Variants in KCNQ3 observed in about 807,000 individuals in gnomAD.
KCNQ3 encodes the protein potassium voltage-gated channel subfamily Q member 3.
KCNQ3 carries 30 observed loss-of-function variants against 92.5 expected under a neutral mutation model. The observed-to-expected ratio is 0.32, with a 90% CI of 0.24 to 0.44. The LOEUF (loss-of-function observed/expected upper bound fraction) is 0.44. Ranked by LOEUF, KCNQ3 falls within the 20% of genes least tolerant of loss-of-function variation. KCNQ3 has a pLI of 1.00. For synonymous variants in KCNQ3, 450 were observed against 468.8 expected, an observed-to-expected ratio of 0.96 and a Z score of 0.52; for missense variants, 913 against 1,140.3, an observed-to-expected ratio of 0.80 and a Z score of 2.87.
At chr8:132,410,468 C>T (rs1820620705) in intron 1 of KCNQ3, among the ~76,000 whole-genome samples, 1 of 152,184 alleles carries the variant, frequency 6.6e-6, no homozygotes, top group Non-Finnish European at 1.5e-5. Flanking sequence ...ACCCGTCCAC[C>T]TGGGAGAGAA....
chr8:132,186,043 C>T (rs971065352), intron 2 of KCNQ3, 48 bp downstream of exon 2: 2 of 1,439,058 alleles, frequency 1.4e-6, no homozygotes, highest in Non-Finnish European at 9.8e-7. Context: ...TCCTTTTCAT[C>T]ACTCTGGAAG....
At chr8:132,322,163 G>C (rs370384257) in intron 1 of KCNQ3, among the ~76,000 whole-genome samples, 10 of 152,096 alleles carry the variant, frequency 6.6e-5, no homozygotes, top group African/African-American at 2.2e-4. Context: ...GCAATTCTTC[G>C]GTGGCATCTT....
intron 1 of KCNQ3, among the ~76,000 whole-genome samples, chr8:132,189,750 C>T (rs908908277): frequency 2.0e-5 from 3 of 151,536 alleles, no homozygotes; most frequent in South Asian, 2.1e-4. Context: ...CACTTGAACC[C>T]GGGAGGCGGA....
At chr8:132,361,532 A>T (rs4736576) in intron 1 of KCNQ3, among the ~76,000 whole-genome samples, 1 of 152,058 alleles carries the variant, frequency 6.6e-6, no homozygotes, top group Admixed American at 6.6e-5. Flanking sequence ...ATCAGGCTGC[A>T]AGATTACTGT....
chr8:132,375,906 T>G (rs1287460115), intron 1 of KCNQ3, among the ~76,000 whole-genome samples: 1 of 152,188 alleles, frequency 6.6e-6, no homozygotes, highest in Non-Finnish European at 1.5e-5. Context: ...TTCGTCATGC[T>G]AGCATTCACC....
At chr8:132,225,344 A>G (rs969727534) in intron 1 of KCNQ3, among the ~76,000 whole-genome samples, 1 of 152,184 alleles carries the variant, frequency 6.6e-6, no homozygotes, top group African/African-American at 2.4e-5. Context: ...ACCTGGAAAG[A>G]TCACTGGAAT....
intron 1 of KCNQ3, among the ~76,000 whole-genome samples, chr8:132,334,886 C>T (rs1393614346): frequency 6.6e-6 from 1 of 152,128 alleles, no homozygotes; most frequent in African/African-American, 2.4e-5. Context: ...TACAACAGCC[C>T]CCACACTTCT....
At chr8:132,275,710 T>G (rs539891946) in intron 1 of KCNQ3, among the ~76,000 whole-genome samples, 1 of 152,236 alleles carries the variant, frequency 6.6e-6, no homozygotes, top group Non-Finnish European at 1.5e-5. Flanking sequence ...CCCAAGTAGC[T>G]GGGACTACAG....
At chr8:132,403,527 G>GTGAA (rs1820403212) in intron 1 of KCNQ3, among the ~76,000 whole-genome samples, 1 of 152,230 alleles carries the variant, frequency 6.6e-6, no homozygotes, top group Admixed American at 6.5e-5. Flanking sequence ...GGCTGCAGGT[G>GTGAA]TGAACCTTGC....
chr8:132,408,235 C>T (rs999616336), intron 1 of KCNQ3, among the ~76,000 whole-genome samples: 3 of 152,204 alleles, frequency 2.0e-5, no homozygotes, highest in Non-Finnish European at 2.9e-5. Context: ...AAAGCTTTGG[C>T]ATATATTCCA....
chr8:132,359,893 C>T (rs545230562), intron 1 of KCNQ3, among the ~76,000 whole-genome samples: 28 of 152,302 alleles, frequency 1.8e-4, no homozygotes, highest in South Asian at 8.3e-4. Context: ...CCACTACTTC[C>T]TGCTAGTGTT....
intron 1 of KCNQ3, chr8:132,277,918 C>A: frequency 1.0e-6 from 1 of 983,850 alleles, no homozygotes; most frequent in Non-Finnish European, 1.2e-6. Flanking sequence ...TCCTACCTCC[C>A]TCTCCTTAGC....
chr8:132,181,641 C>T (rs150234894), intron 3 of KCNQ3, among the ~76,000 whole-genome samples: 1 of 152,124 alleles, frequency 6.6e-6, no homozygotes, highest in Non-Finnish European at 1.5e-5. Context: ...TGTTCTGGCT[C>T]CTGGGAATCT....
chr8:132,474,442 A>G (rs2130869204), intron 1 of KCNQ3, among the ~76,000 whole-genome samples: 1 of 152,288 alleles, frequency 6.6e-6, no homozygotes, highest in Non-Finnish European at 1.5e-5. Context: ...TAAGGTTAAA[A>G]AAACTAGAGA....
At chr8:132,148,036 C>T (rs1187532035) in intron 9 of KCNQ3, among the ~76,000 whole-genome samples, 4 of 152,086 alleles carry the variant, frequency 2.6e-5, no homozygotes, top group African/African-American at 9.7e-5. Context: ...ATTTTTGAGG[C>T]TTTGGTGTCC....
At chr8:132,389,162 G>C (rs138612935) in intron 1 of KCNQ3, among the ~76,000 whole-genome samples, 1 of 152,278 alleles carries the variant, frequency 6.6e-6, no homozygotes, top group Non-Finnish European at 1.5e-5. Context: ...TTAAAAGTAA[G>C]AATCTTTGTT....
At chr8:132,287,485 T>C (rs1199860585) in intron 1 of KCNQ3, among the ~76,000 whole-genome samples, 4 of 152,218 alleles carry the variant, frequency 2.6e-5, no homozygotes, top group African/African-American at 9.6e-5. Context: ...ACAAAAGTAC[T>C]ATTGGCAATA....
chr8:132,375,340 G>A (rs1029456024), intron 1 of KCNQ3, among the ~76,000 whole-genome samples: 2 of 133,014 alleles, frequency 1.5e-5, no homozygotes, highest in African/African-American at 6.9e-5. Flanking sequence ...TGAAAAGAAT[G>A]GCACTGTTTT....
intron 1 of KCNQ3, among the ~76,000 whole-genome samples, chr8:132,376,387 A>C (rs1819610082): frequency 6.6e-6 from 1 of 152,176 alleles, no homozygotes; most frequent in Non-Finnish European, 1.5e-5. Context: ...TGTGCATTTA[A>C]CTAAGTGCTT....
Sources: gnomAD v4.1 joint callset for allele counts (sites outside exome capture counted in the v4.1 genomes callset) on GRCh38, gnomAD v4.1.1 for gene constraint, MANE v1.5 for transcripts, NCBI Gene and HGNC (gene_info 2026-07-23, HGNC 2026-07-21) for gene names.